The following AKAP19 variants were observed in gnomAD, a reference collection of about 807,000 sequenced individuals.
The protein encoded by AKAP19 is A-kinase anchoring protein 19, also known as small A-kinase anchoring protein.
At chr2:190,202,494 A>G in the AKAP19 span, 1 of 167,108 alleles carries the variant, frequency 6.0e-6, no homozygotes, top group African/African-American at 2.4e-5. Flanking sequence ...ATTACATGTG[A>G]TAGTTATCAT....
At chr2:190,169,045 T>C in the AKAP19 span, among the ~76,000 whole-genome samples, 1 of 152,318 alleles carries the variant, frequency 6.6e-6, no homozygotes, top group Non-Finnish European at 1.5e-5. Flanking sequence ...GATAAACACA[T>C]ATGCGAGATT....
At chr2:189,923,227 A>C in the AKAP19 span, 1 of 1,083,302 alleles carries the variant, frequency 9.2e-7, no homozygotes, top group African/African-American at 1.6e-5. Context: ...GACCTCCAGC[A>C]GCAGTCGGCT....
chr2:190,060,884 C>A, the AKAP19 span, among the ~76,000 whole-genome samples: 3 of 151,854 alleles, frequency 2.0e-5, no homozygotes, highest in Non-Finnish European at 4.4e-5. Context: ...TACCTGGGGA[C>A]AAGACACACT....
At chr2:190,091,535 C>T in the AKAP19 span, among the ~76,000 whole-genome samples, 9 of 106,940 alleles carry the variant, frequency 8.4e-5, no homozygotes, top group South Asian at 4.4e-4. Context: ...AGTAGTTTAT[C>T]CTCTTTTGTT....
the AKAP19 span, among the ~76,000 whole-genome samples, chr2:189,919,941 T>A: frequency 6.6e-6 from 1 of 152,166 alleles, no homozygotes. Context: ...AAGTGGCAAG[T>A]AGCAGCCTAC....
chr2:189,960,644 C>G, the AKAP19 span, among the ~76,000 whole-genome samples: 1 of 152,106 alleles, frequency 6.6e-6, no homozygotes, highest in Admixed American at 6.6e-5. Flanking sequence ...ATTTCTGGCC[C>G]TAATTAAGCT....
chr2:190,072,307 G>T, the AKAP19 span, among the ~76,000 whole-genome samples: 1 of 151,878 alleles, frequency 6.6e-6, no homozygotes, highest in Admixed American at 6.6e-5. Flanking sequence ...CTAACTGTAG[G>T]GTACTAAGCT....
the AKAP19 span, among the ~76,000 whole-genome samples, chr2:189,920,681 T>C: frequency 6.6e-6 from 1 of 152,246 alleles, no homozygotes; most frequent in Non-Finnish European, 1.5e-5. Context: ...CTGTGTCTTG[T>C]GTCACAGTGT....
At chr2:190,191,608 G>C in the AKAP19 span, among the ~76,000 whole-genome samples, 13 of 152,322 alleles carry the variant, frequency 8.5e-5, no homozygotes, top group African/African-American at 2.9e-4. Flanking sequence ...ATGTATGAGA[G>C]TGCAGTTGCT....
the AKAP19 span, among the ~76,000 whole-genome samples, chr2:190,141,079 C>G: frequency 6.6e-6 from 1 of 152,194 alleles, no homozygotes; most frequent in Admixed American, 6.5e-5. Context: ...TCTTATCTCC[C>G]TCTGAGACCA....
the AKAP19 span, among the ~76,000 whole-genome samples, chr2:189,983,796 T>C: frequency 6.6e-6 from 1 of 152,190 alleles, no homozygotes; most frequent in African/African-American, 2.4e-5. Flanking sequence ...CCGAAAATCA[T>C]GTAGGTTCTT....
chr2:190,099,805 A>G, the AKAP19 span, among the ~76,000 whole-genome samples: 1 of 152,228 alleles, frequency 6.6e-6, no homozygotes, highest in African/African-American at 2.4e-5. Flanking sequence ...CAGACTTACC[A>G]TGATATAACA....
At chr2:190,045,638 G>T in the AKAP19 span, among the ~76,000 whole-genome samples, 1 of 152,186 alleles carries the variant, frequency 6.6e-6, no homozygotes, top group East Asian at 1.9e-4. Flanking sequence ...AACTCCAAGA[G>T]CGCCTTCTAA....
At chr2:189,973,445 C>CT in the AKAP19 span, among the ~76,000 whole-genome samples, 2 of 152,038 alleles carry the variant, frequency 1.3e-5, no homozygotes, top group Non-Finnish European at 1.5e-5. Flanking sequence ...CTAAAATTCT[C>CT]TTTTTTGGTT....
At chr2:190,134,144 G>C in the AKAP19 span, among the ~76,000 whole-genome samples, 1 of 152,116 alleles carries the variant, frequency 6.6e-6, no homozygotes, top group African/African-American at 2.4e-5. Flanking sequence ...GGACTGATTA[G>C]TGAGAGTGTA....
At chr2:190,009,400 T>C in the AKAP19 span, among the ~76,000 whole-genome samples, 1 of 152,168 alleles carries the variant, frequency 6.6e-6, no homozygotes. Context: ...ATTCAGGATA[T>C]ATATTTAAGG....
At chr2:190,071,446 T>C in the AKAP19 span, among the ~76,000 whole-genome samples, 147 of 152,330 alleles carry the variant, frequency 9.7e-4, 1 homozygote, top group African/African-American at 3.5e-3. Context: ...TGGTATAATA[T>C]AGTACAGTAA....
chr2:189,981,795 CT>C, the AKAP19 span, among the ~76,000 whole-genome samples: 1 of 152,088 alleles, frequency 6.6e-6, no homozygotes, highest in African/African-American at 2.4e-5. Context: ...TTTGGGCTGG[CT>C]TTTTTTATTC....
At chr2:190,042,743 G>A in the AKAP19 span, among the ~76,000 whole-genome samples, 4 of 152,196 alleles carry the variant, frequency 2.6e-5, no homozygotes, top group Non-Finnish European at 5.9e-5. Context: ...TGTCCTAGAC[G>A]AGTCATTTGT....
Sources: gnomAD v4.1 joint callset for allele counts (sites outside exome capture counted in the v4.1 genomes callset) on GRCh38, gnomAD v4.1.1 for gene constraint, MANE v1.5 for transcripts, NCBI Gene and HGNC (gene_info 2026-07-23, HGNC 2026-07-21) for gene names.